TRPM7: variants seen among roughly 807,000 people sequenced by gnomAD.
TRPM7 encodes transient receptor potential cation channel subfamily M member 7.
In TRPM7, 134 loss-of-function variants were observed where a neutral mutation model predicts 229.7. The ratio of observed to expected loss-of-function variants is 0.58; its 90% CI spans 0.51 to 0.67. TRPM7 has a LOEUF of 0.67. Ranked by LOEUF, TRPM7 falls within the 30% of genes least tolerant of loss-of-function variation. The pLI is 0.00. For missense variants in TRPM7, 1,901 were observed against 2,210.0 expected, an observed-to-expected ratio of 0.86 and a Z score of 2.80; for synonymous variants, 699 against 715.2, an observed-to-expected ratio of 0.98 and a Z score of 0.36.
rs543303229 is a variant in TRPM7, at chr15:50,683,256, C to T, written c.3+3275G>A. Among the ~76,000 whole-genome samples, 10 of 151,604 alleles carry T rather than the reference C, an allele frequency of 6.6e-5. No homozygotes were observed. In the South Asian group the frequency reaches 1.5e-3, roughly 22 times the overall value. Reference sequence around the variant, plus strand: ...CTTAAAAAAAAAAAACTGCAATTTACTTATATGTTGAAAGATTTCCCAAAA... The same window carrying T: ...CTTAAAAAAAAAAAACTGCAATTTATTTATATGTTGAAAGATTTCCCAAAA... On this transcript the variant is annotated intron_variant, in intron 1 of 38. Coordinates refer to ENST00000646667, the MANE Select transcript of TRPM7 (RefSeq NM_017672.6).
At chr15:50,627,107 T>C (rs771904742) in intron 11 of TRPM7, among the ~76,000 whole-genome samples, 7 of 148,868 alleles carry the variant, frequency 4.7e-5, no homozygotes, top group Non-Finnish European at 1.1e-4. Context: ...CAGCCTCTTA[T>C]TAATTCGGAC....
chr15:50,581,483 A>G (rs936163148), intron 29 of TRPM7, among the ~76,000 whole-genome samples: 1 of 149,838 alleles, frequency 6.7e-6, no homozygotes, highest in Non-Finnish European at 1.5e-5. Context: ...TAGGCGACAG[A>G]GCGAGACTCC....
chr15:50,619,296 T>C (rs2060321317), intron 13 of TRPM7, among the ~76,000 whole-genome samples: 2 of 151,426 alleles, frequency 1.3e-5, no homozygotes, highest in South Asian at 4.2e-4. Context: ...TCATGGCTCA[T>C]GGCAGCCTCT....
intron 28 of TRPM7, 140 bp from the exon 29 acceptor site, chr15:50,583,299 G>C (rs749740771): frequency 2.1e-5 from 10 of 481,038 alleles, no homozygotes; most frequent in Non-Finnish European, 3.7e-5. Context: ...GAACACAAGA[G>C]TTACATGAGG....
intron 1 of TRPM7, among the ~76,000 whole-genome samples, chr15:50,671,156 T>C (rs564864259): frequency 2.0e-5 from 3 of 152,322 alleles, no homozygotes; most frequent in African/African-American, 7.2e-5. Flanking sequence ...CTTGAAATTA[T>C]TCTTCCTAAC....
chr15:50,648,970 A>C, intron 3 of TRPM7, 85 bp from the exon 4 acceptor site: 1 of 999,360 alleles, frequency 1.0e-6, no homozygotes, highest in Non-Finnish European at 1.4e-6. Context: ...GAACCGACAA[A>C]TATAAGCTTT....
rs751316537 is a variant in TRPM7 at position 50,612,622 on chromosome 15, G to T, written c.1978C>A (p.Arg660Ser). ...AKALVACKIYRSMAYEAKQSD... is the reference protein window; with the variant it reads ...AKALVACKIYSSMAYEAKQSD... The stretch of plus-strand genomic sequence containing the variant: ...TGCTTTGCTTCATATGCCATTGAAC[G>T]ATAGATCTTACAGGCAACTAATGCT... The change falls in exon 16 of 39, where the codon CGT becomes AGT. Residue 660 changes from arginine to serine, a missense_variant. Transcript: ENST00000646667. 6.2e-7 allele frequency: 1 copy of T among 1,614,068 alleles called. No individual in the cohort carries two copies.
chr15:50,557,513 T>C lies in TRPM7; in HGVS notation c.*4165A>G, dbSNP rs1254443066. 6.6e-6 allele frequency: 1 copy of C among 152,220 alleles called. No homozygotes were observed. The highest frequency in any genetic ancestry group is 1.5e-5 in the Non-Finnish European group (1 of 68,040). The allele number at this position is 152,220 out of a possible 1,614,324, so 9.4% of individuals were successfully genotyped here. ...ATATTTTTCTTCACATTTAAAAATA[T>C]TTTCTAAACAATCCAATATAATCTT... On this transcript the variant is annotated 3_prime_UTR_variant, in exon 39 of 39. Coordinates refer to ENST00000646667, the MANE Select transcript of TRPM7 (RefSeq NM_017672.6).
intron 16 of TRPM7, among the ~76,000 whole-genome samples, chr15:50,611,791 T>C (rs910272560): frequency 2.6e-5 from 4 of 152,240 alleles, no homozygotes; most frequent in Admixed American, 6.5e-5. Flanking sequence ...GTAACAATTA[T>C]CACTGCCCTC....
At chr15:50,640,853 C>A (rs2061081268) in intron 5 of TRPM7, among the ~76,000 whole-genome samples, 1 of 152,106 alleles carries the variant, frequency 6.6e-6, no homozygotes, top group Non-Finnish European at 1.5e-5. Context: ...AGGGAGGACA[C>A]AGTGTGAAGA....
intron 25 of TRPM7, 97 bp downstream of exon 25, chr15:50,593,520 T>C (rs2059557259): frequency 5.3e-6 from 7 of 1,325,434 alleles, no homozygotes; most frequent in Middle Eastern, 2.5e-4. Flanking sequence ...ATGCTTATTG[T>C]TTGACAAAAT....
chr15:50,584,153 T>TA (rs767326980), intron 28 of TRPM7, among the ~76,000 whole-genome samples: 6 of 151,940 alleles, frequency 3.9e-5, no homozygotes, highest in Non-Finnish European at 8.8e-5. Context: ...CAAATCAACT[T>TA]AGAGAAAGCT....
chr15:50,676,399 G>C (rs1457239901), intron 1 of TRPM7, among the ~76,000 whole-genome samples: 2 of 151,836 alleles, frequency 1.3e-5, no homozygotes, highest in African/African-American at 4.8e-5. Flanking sequence ...CCATCCCTCA[G>C]ATAACCACCA....
intron 36 of TRPM7, among the ~76,000 whole-genome samples, chr15:50,571,010 T>A (rs573221506): frequency 5.3e-5 from 8 of 152,282 alleles, no homozygotes; most frequent in Admixed American, 1.3e-4. Flanking sequence ...TCTCCAGAAG[T>A]ATTATGATTA....
intron 22 of TRPM7, 37 bp downstream of exon 22, chr15:50,599,085 T>C (rs751930732): frequency 6.8e-7 from 1 of 1,470,496 alleles, no homozygotes; most frequent in Non-Finnish European, 9.2e-7. Flanking sequence ...AAACACAAAA[T>C]AACCAAAAGA....
At chr15:50,583,973 CCTA>C (rs763109149) in intron 28 of TRPM7, among the ~76,000 whole-genome samples, 10 of 152,308 alleles carry the variant, frequency 6.6e-5, no homozygotes, top group Non-Finnish European at 1.5e-4. Flanking sequence ...TAAACAAACT[CCTA>C]CTGATGGAAA....
At chr15:50,595,391 T>C (rs1340698267) in intron 23 of TRPM7, among the ~76,000 whole-genome samples, 1 of 151,530 alleles carries the variant, frequency 6.6e-6, no homozygotes, top group Non-Finnish European at 1.5e-5. Context: ...TTAACTACAA[T>C]GTGGTGTTTA....
At chr15:50,606,034 T>G (rs2059909608) in intron 20 of TRPM7, among the ~76,000 whole-genome samples, 1 of 152,152 alleles carries the variant, frequency 6.6e-6, no homozygotes, top group Non-Finnish European at 1.5e-5. Context: ...ATTCTCTAAA[T>G]GTAAGGTAGA....
At chr15:50,603,157 G>C (rs1406478666) in intron 21 of TRPM7, among the ~76,000 whole-genome samples, 2 of 152,068 alleles carry the variant, frequency 1.3e-5, no homozygotes, top group African/African-American at 2.4e-5. Flanking sequence ...TCAATTAAGG[G>C]GGGGAAGACA....
Sources: allele counts gnomAD v4.1 joint callset (sites outside exome capture counted in the v4.1 genomes callset), GRCh38; gene constraint gnomAD v4.1.1; transcripts MANE v1.5; gene names NCBI Gene and HGNC (gene_info 2026-07-23, HGNC 2026-07-21).